Variants in HS3ST5 observed in about 807,000 individuals in gnomAD.
HS3ST5 encodes heparan sulfate-glucosamine 3-sulfotransferase 5, also known as heparan sulfate glucosamine 3-O-sulfotransferase 5.
A neutral mutation model predicts 25.4 loss-of-function variants in HS3ST5; 10 were observed. The ratio of observed to expected loss-of-function variants is 0.39; its 90% confidence interval spans 0.24 to 0.67. The LOEUF (loss-of-function observed/expected upper bound fraction) is 0.67. Ranked by LOEUF, HS3ST5 falls within the 30% of genes least tolerant of loss-of-function variation. The pLI is 0.44. For synonymous variants in HS3ST5, 170 were observed against 162.4 expected (o/e 1.05, Z -0.36); for missense variants, 324 against 420.7 (o/e 0.77, Z 2.01).
intron 2 of HS3ST5, among the ~76,000 whole-genome samples, chr6:114,188,093 G>A (rs982460970): frequency 6.6e-6 from 1 of 152,138 alleles, no homozygotes; most frequent in African/African-American, 2.4e-5. Flanking sequence ...TTATCATGGT[G>A]GTCTGCAACA....
chr6:114,156,442 G>C (rs1562218896), intron 3 of HS3ST5, among the ~76,000 whole-genome samples: 2 of 152,212 alleles, frequency 1.3e-5, no homozygotes, highest in African/African-American at 4.8e-5. Context: ...TTTTGTAGTT[G>C]TGCTTAAGTT....
chr6:114,283,025 T>C (rs1481875342), intron 1 of HS3ST5, among the ~76,000 whole-genome samples: 1 of 151,970 alleles, frequency 6.6e-6, no homozygotes, highest in Admixed American at 6.6e-5. Flanking sequence ...ACTCCTAATA[T>C]AGAATCAATA....
At chr6:114,214,652 T>G (rs1049871406) in intron 2 of HS3ST5, among the ~76,000 whole-genome samples, 1 of 152,208 alleles carries the variant, frequency 6.6e-6, no homozygotes, top group African/African-American at 2.4e-5. Flanking sequence ...TACTGAGTTG[T>G]ATGCCACACA....
intron 3 of HS3ST5, among the ~76,000 whole-genome samples, chr6:114,065,900 C>G (rs567737688): frequency 2.0e-5 from 3 of 152,228 alleles, no homozygotes; most frequent in Admixed American, 6.5e-5. Context: ...CTGCTTAAAA[C>G]TGTACTGCAC....
intron 1 of HS3ST5, among the ~76,000 whole-genome samples, chr6:114,261,320 G>C (rs1773161926): frequency 1.3e-5 from 2 of 152,134 alleles, no homozygotes; most frequent in South Asian, 2.1e-4. Flanking sequence ...ATGCTATCAT[G>C]GGAAGTTGAG....
At chr6:114,286,197 C>A (rs1421246066) in intron 1 of HS3ST5, among the ~76,000 whole-genome samples, 7 of 151,700 alleles carry the variant, frequency 4.6e-5, no homozygotes, top group Admixed American at 4.6e-4. Flanking sequence ...TGGTCAAATT[C>A]ATATACTCTG....
chr6:114,304,084 T>C (rs1432718952), intron 1 of HS3ST5, among the ~76,000 whole-genome samples: 1 of 152,034 alleles, frequency 6.6e-6, no homozygotes, highest in East Asian at 1.9e-4. Flanking sequence ...CTGGGAGAAA[T>C]ACAAGATGTC....
chr6:114,170,166 C>G (rs924860866), intron 2 of HS3ST5, among the ~76,000 whole-genome samples: 31 of 152,102 alleles, frequency 2.0e-4, no homozygotes, highest in African/African-American at 7.0e-4. Flanking sequence ...ACTTTACAAA[C>G]ATTTATTAAG....
At chr6:114,292,196 G>A (rs1774609153) in intron 1 of HS3ST5, among the ~76,000 whole-genome samples, 1 of 152,140 alleles carries the variant, frequency 6.6e-6, no homozygotes, top group Non-Finnish European at 1.5e-5. Flanking sequence ...ATTTTGTGGT[G>A]CTATAACAGA....
At chr6:114,090,485 T>C (rs1775066523) in intron 3 of HS3ST5, among the ~76,000 whole-genome samples, 1 of 152,290 alleles carries the variant, frequency 6.6e-6, no homozygotes, top group East Asian at 1.9e-4. Context: ...TCTGCACTTA[T>C]CTTTAATCCA....
At chr6:114,319,579 G>A (rs1330169792) in intron 1 of HS3ST5, among the ~76,000 whole-genome samples, 1 of 152,000 alleles carries the variant, frequency 6.6e-6, no homozygotes, top group East Asian at 1.9e-4. Context: ...GCACAGGTGA[G>A]CAAATTAAAA....
chr6:114,097,079 T>C lies in HS3ST5; in HGVS notation c.-32-34202A>G, dbSNP rs150798334. 5.0e-3 allele frequency among the ~76,000 whole-genome samples: 765 copies of C among 152,154 alleles called. 4 individuals are homozygous for C. Among genetic ancestry groups the C allele is most frequent in the African/African-American group, 0.018 (732 of 41,556 alleles). On this transcript the variant is annotated intron_variant, in intron 3 of 4. Transcript: ENST00000312719. ...TCCTCTAGTTTCCTGATTACTTTTC[T>C]TCCTGAGTAATACAAAACAAAATGT...
intron 1 of HS3ST5, among the ~76,000 whole-genome samples, chr6:114,341,604 C>CGCGCGCGT (rs1554229657): frequency 6.9e-6 from 1 of 145,852 alleles, no homozygotes; most frequent in African/African-American, 2.6e-5. Context: ...CGCGCGCGCG[C>CGCGCGCGT]GTGTGTGTTG....
intron 1 of HS3ST5, among the ~76,000 whole-genome samples, chr6:114,241,019 G>T (rs1484880030): frequency 6.6e-6 from 1 of 150,774 alleles, no homozygotes; most frequent in Admixed American, 6.6e-5. Context: ...TAATGAAAAG[G>T]CATGTAATAA....
chr6:114,077,997 A>G (rs1774238861), intron 3 of HS3ST5, among the ~76,000 whole-genome samples: 1 of 152,154 alleles, frequency 6.6e-6, no homozygotes, highest in Non-Finnish European at 1.5e-5. Context: ...GCTGATTTTT[A>G]ACATTAAATA....
intron 1 of HS3ST5, among the ~76,000 whole-genome samples, chr6:114,264,573 C>T (rs1246006671): frequency 1.3e-5 from 2 of 152,022 alleles, no homozygotes; most frequent in Non-Finnish European, 2.9e-5. Context: ...TCACCTTTTC[C>T]TGCTCTCTCA....
At chr6:114,284,672 C>T (rs905891209) in intron 1 of HS3ST5, among the ~76,000 whole-genome samples, 10 of 131,898 alleles carry the variant, frequency 7.6e-5, no homozygotes, top group African/African-American at 1.4e-4. Flanking sequence ...CCATAATAAG[C>T]GGCATAAAGT....
intron 2 of HS3ST5, among the ~76,000 whole-genome samples, chr6:114,203,435 A>G (rs1781121137): frequency 6.6e-6 from 1 of 152,188 alleles, no homozygotes; most frequent in East Asian, 1.9e-4. Flanking sequence ...GAATTCTACT[A>G]AGATGTAGGC....
At chr6:114,301,259 A>T (rs1432603936) in intron 1 of HS3ST5, among the ~76,000 whole-genome samples, 1 of 152,228 alleles carries the variant, frequency 6.6e-6, no homozygotes, top group East Asian at 1.9e-4. Context: ...TATTAATAAT[A>T]AGTTCATTTT....
Sources: allele counts gnomAD v4.1 joint callset (sites outside exome capture counted in the v4.1 genomes callset), GRCh38; gene constraint gnomAD v4.1.1; transcripts MANE v1.5; gene names NCBI Gene and HGNC (gene_info 2026-07-23, HGNC 2026-07-21).